The following CACHD1 variants were observed in gnomAD, a reference collection of about 807,000 sequenced individuals.
The protein encoded by CACHD1 is VWFA and cache domain-containing protein 1.
CACHD1 carries 71 observed loss-of-function variants against 138.7 expected under a neutral mutation model. The observed-to-expected ratio is 0.51, with a 90% CI of 0.42 to 0.62. The LOEUF (loss-of-function observed/expected upper bound fraction) is 0.62. Ranked by LOEUF, CACHD1 falls within the 20% of genes least tolerant of loss-of-function variation. CACHD1 has a pLI of 0.00. For missense variants in CACHD1, 1,389 were observed against 1,625.3 expected (o/e 0.85, Z 2.50); for synonymous variants, 578 against 591.5 (o/e 0.98, Z 0.33).
intron 4 of CACHD1, among the ~76,000 whole-genome samples, chr1:64,623,401 C>CAA (rs10645036): frequency 0.05 from 6,969 of 140,332 alleles, 566 homozygotes; most frequent in African/African-American, 0.17. Flanking sequence ...GATTCTGCCT[C>CAA]AAAAAAAAAA....
At chr1:64,602,661 A>G in intron 3 of CACHD1, 145 bp from the exon 4 acceptor site, 2 of 628,938 alleles carry the variant, frequency 3.2e-6, no homozygotes, top group Non-Finnish European at 5.6e-6. Flanking sequence ...CAGAGTTCCG[A>G]AATTATTTTT....
intron 1 of CACHD1, among the ~76,000 whole-genome samples, chr1:64,518,856 TTCCC>T (rs1188129133): frequency 6.6e-6 from 1 of 152,152 alleles, no homozygotes; most frequent in Non-Finnish European, 1.5e-5. Flanking sequence ...TGCTGCCTTA[TTCCC>T]TGGGAGTTGG....
chr1:64,490,293 C>T (rs987057252), intron 1 of CACHD1, among the ~76,000 whole-genome samples: 3 of 152,164 alleles, frequency 2.0e-5, no homozygotes, highest in Non-Finnish European at 2.9e-5. Context: ...GATGTTATAA[C>T]TTAAAAGATG....
At chr1:64,595,063 GTA>G (rs1647138633) in intron 3 of CACHD1, among the ~76,000 whole-genome samples, 1 of 152,188 alleles carries the variant, frequency 6.6e-6, no homozygotes, top group Non-Finnish European at 1.5e-5. Flanking sequence ...ACAGGGAGAT[GTA>G]TGGACAGGAC....
chr1:64,574,617 A>G (rs1038253896), intron 2 of CACHD1, among the ~76,000 whole-genome samples: 5 of 152,218 alleles, frequency 3.3e-5, no homozygotes, highest in African/African-American at 1.2e-4. Flanking sequence ...TTCCTCAAAC[A>G]ATAATAACCA....
At chr1:64,677,079 T>A in intron 22 of CACHD1, 68 bp downstream of exon 22, 2 of 1,243,722 alleles carry the variant, frequency 1.6e-6, no homozygotes, top group Non-Finnish European at 2.3e-6. Flanking sequence ...CTTCGTGTTT[T>A]AAAAAGGTAT....
intron 1 of CACHD1, among the ~76,000 whole-genome samples, chr1:64,519,326 T>C (rs554323921): frequency 1.4e-4 from 22 of 152,214 alleles, no homozygotes; most frequent in Middle Eastern, 3.4e-3. Context: ...AGCCTTTCGA[T>C]TGAGGCACAG....
chr1:64,678,075 T>G, intron 22 of CACHD1, 84 bp from the exon 23 acceptor site: 2 of 1,418,640 alleles, frequency 1.4e-6, no homozygotes, highest in Non-Finnish European at 1.9e-6. Context: ...ATGGAGATCC[T>G]GAGAACTGTC....
rs774811186 is a variant in CACHD1, at chr1:64,652,280, G to T, written c.1510G>T (p.Ala504Ser). ...CGTGACGTATTACCAAGACTCTTTG[G>T]CTTCCTATACTTTTCTCATAGACGA... ...EDVTYYQDSL[A>S]SYTFLIDDKG... The change falls in exon 10 of 27, where the codon GCT becomes TCT. Residue 504 changes from alanine (A) to serine (S), a missense_variant. By Grantham distance (99) the Ala-to-Ser change is moderately conservative. This residue lies in a region of CACHD1 where 1,000 missense variants were observed against 1,114.7 expected (regional missense o/e 0.90). Coordinates refer to ENST00000651257, the MANE Select transcript of CACHD1 (RefSeq NM_020925.4). The T allele has an allele frequency of 6.2e-7, 1 of 1,612,818 alleles. No individual in the cohort carries two copies. The highest frequency in any genetic ancestry group is 1.7e-5 in the Admixed American group (1 of 59,806).
At chr1:64,613,778 C>A (rs1172905158) in intron 4 of CACHD1, among the ~76,000 whole-genome samples, 1 of 152,162 alleles carries the variant, frequency 6.6e-6, no homozygotes, top group African/African-American at 2.4e-5. Context: ...TCCTCTCTTA[C>A]CATCCTCCTC....
intron 1 of CACHD1, among the ~76,000 whole-genome samples, chr1:64,544,724 C>T (rs191366125): frequency 2.2e-4 from 33 of 151,870 alleles, no homozygotes; most frequent in Non-Finnish European, 4.1e-4. Flanking sequence ...TTGTGTTGAA[C>T]CTGCTCTTTT....
chr1:64,648,141 G>A, intron 9 of CACHD1, 107 bp downstream of exon 9: 3 of 797,726 alleles, frequency 3.8e-6, no homozygotes. Context: ...CCTGCCACCT[G>A]TCCTATATCT....
chr1:64,524,165 G>C (rs191826686), intron 1 of CACHD1, among the ~76,000 whole-genome samples: 79 of 152,134 alleles, frequency 5.2e-4, no homozygotes, highest in South Asian at 1.4e-3. Context: ...GAATAGGCTT[G>C]TAAAGGTTTT....
intron 4 of CACHD1, among the ~76,000 whole-genome samples, chr1:64,604,160 A>G (rs1284131985): frequency 6.6e-6 from 1 of 152,248 alleles, no homozygotes; most frequent in African/African-American, 2.4e-5. Context: ...TACACAAATC[A>G]TGTAATCTAT....
At chr1:64,686,748 T>C (rs1001415900) in intron 26 of CACHD1, among the ~76,000 whole-genome samples, 1 of 152,258 alleles carries the variant, frequency 6.6e-6, no homozygotes, top group Non-Finnish European at 1.5e-5. Context: ...TAAGTGTATA[T>C]TAGGCAACAT....
At chr1:64,612,832 A>G (rs1647581832) in intron 4 of CACHD1, among the ~76,000 whole-genome samples, 1 of 152,210 alleles carries the variant, frequency 6.6e-6, no homozygotes, top group African/African-American at 2.4e-5. Flanking sequence ...CCAATGGATC[A>G]AGGAGTGATT....
At chr1:64,607,705 C>T (rs1241634882) in intron 4 of CACHD1, among the ~76,000 whole-genome samples, 1 of 152,008 alleles carries the variant, frequency 6.6e-6, no homozygotes, top group East Asian at 1.9e-4. Flanking sequence ...AAGCACAGAG[C>T]ATTCATTCAT....
At chr1:64,616,013 C>T (rs1314361519) in intron 4 of CACHD1, among the ~76,000 whole-genome samples, 1 of 152,144 alleles carries the variant, frequency 6.6e-6, no homozygotes, top group Non-Finnish European at 1.5e-5. Flanking sequence ...ATTGACGTGG[C>T]TTAACATTAT....
At chr1:64,627,852 G>A (rs552998491) in intron 4 of CACHD1, among the ~76,000 whole-genome samples, 4 of 152,176 alleles carry the variant, frequency 2.6e-5, no homozygotes, top group Admixed American at 1.3e-4. Flanking sequence ...TAGGCTATAC[G>A]GGGGACAAGG....
Sources: allele counts gnomAD v4.1 joint callset (sites outside exome capture counted in the v4.1 genomes callset), GRCh38; gene constraint gnomAD v4.1.1; regional missense constraint gnomAD v4.1.1; transcripts MANE v1.5; gene names NCBI Gene and HGNC (gene_info 2026-07-23, HGNC 2026-07-21).